CERS6: variants seen among roughly 807,000 people sequenced by gnomAD.
CERS6 encodes the protein LAG1 homolog, ceramide synthase 6.
Under a neutral mutation model 56.8 loss-of-function variants are expected in CERS6, and 26 were observed. That is an observed-to-expected ratio of 0.46 (90% CI 0.34 to 0.63). CERS6 has a LOEUF of 0.63. Among genes scored for constraint, CERS6 ranks in the 30% least tolerant of loss-of-function variants. CERS6 has a pLI of 0.01. For missense variants in CERS6, 415 were observed against 467.5 expected, an observed-to-expected ratio of 0.89 and a Z score of 1.04; for synonymous variants, 164 against 173.3, an observed-to-expected ratio of 0.95 and a Z score of 0.42.
At chr2:168,704,853 C>T (rs181053341) in intron 6 of CERS6, among the ~76,000 whole-genome samples, 25 of 152,296 alleles carry the variant, frequency 1.6e-4, no homozygotes, top group African/African-American at 6.0e-4. Context: ...CTGCCTCGGC[C>T]TCCCAAAATG....
intron 4 of CERS6, among the ~76,000 whole-genome samples, chr2:168,647,915 G>A (rs1001756947): frequency 3.9e-5 from 6 of 152,224 alleles, no homozygotes; most frequent in African/African-American, 1.4e-4. Flanking sequence ...TGATTTGCAC[G>A]TATTTTGTTG....
At chr2:168,458,767 A>G (rs1693725198) in intron 1 of CERS6, among the ~76,000 whole-genome samples, 1 of 152,254 alleles carries the variant, frequency 6.6e-6, no homozygotes, top group Non-Finnish European at 1.5e-5. Flanking sequence ...AAGACTATCT[A>G]CTTTGTTTCT....
At chr2:168,662,024 C>T (rs1237681997) in intron 4 of CERS6, among the ~76,000 whole-genome samples, 1 of 151,968 alleles carries the variant, frequency 6.6e-6, no homozygotes, top group Admixed American at 6.6e-5. Flanking sequence ...TTCTAATAGA[C>T]GGTTGACAGA....
intron 4 of CERS6, among the ~76,000 whole-genome samples, chr2:168,668,304 G>A (rs1023365307): frequency 6.6e-6 from 1 of 152,084 alleles, no homozygotes; most frequent in South Asian, 2.1e-4. Context: ...ATCTGCAGCA[G>A]TCACCCAAGC....
At chr2:168,640,933 C>G (rs1289965651) in intron 4 of CERS6, among the ~76,000 whole-genome samples, 2 of 152,150 alleles carry the variant, frequency 1.3e-5, no homozygotes, top group Non-Finnish European at 2.9e-5. Context: ...TGTCTGTATT[C>G]TCTTTCCATC....
At position 168,520,598 on chromosome 2, in the gene CERS6, C is replaced by CTTTTTTTTTTTTTTTTTTTTTTTTTTTT. The variant is rs150724635; in HGVS notation, c.171-26996_171-26969dup. Among the ~76,000 whole-genome samples, 97 of 57,898 alleles carry CTTTTTTTTTTTTTTTTTTTTTTTTTTTT rather than the reference C, an allele frequency of 1.7e-3. 25 individuals carry two copies. The highest frequency in any genetic ancestry group is 2.6e-3 in the Non-Finnish European group (82 of 31,012). 38.0% of individuals were successfully genotyped at this position (57,898 alleles called of 152,430 possible). On this transcript the variant is annotated intron_variant, in intron 1 of 9. Coordinates refer to ENST00000305747, the MANE Select transcript of CERS6 (RefSeq NM_203463.3). ...TTAACTCTTTAACATTTACAATATCCTTTTTTTTTTTTTTTTTTTTTTTTT... is the reference window on the plus strand; with the variant it reads ...TTAACTCTTTAACATTTACAATATCCTTTTTTTTTTTTTTTTTTTTTTTTTTTTTTTTTTTTTTTTTTTTTTTTTTTTT...
chr2:168,499,512 AT>A (rs1200208597), intron 1 of CERS6, among the ~76,000 whole-genome samples: 1 of 152,194 alleles, frequency 6.6e-6, no homozygotes, highest in Non-Finnish European at 1.5e-5. Context: ...CTGTAAGATC[AT>A]TGAGGGGGTC....
chr2:168,514,173 A>T (rs1694845704), intron 1 of CERS6, among the ~76,000 whole-genome samples: 1 of 152,210 alleles, frequency 6.6e-6, no homozygotes, highest in Non-Finnish European at 1.5e-5. Flanking sequence ...TTAGTTACGA[A>T]TAGTCAGAGT....
At chr2:168,757,221 T>A (rs1684440105) in intron 8 of CERS6, among the ~76,000 whole-genome samples, 1 of 152,046 alleles carries the variant, frequency 6.6e-6, no homozygotes, top group African/African-American at 2.4e-5. Flanking sequence ...GGAATCAGGA[T>A]ACATCCCGAA....
intron 4 of CERS6, among the ~76,000 whole-genome samples, chr2:168,643,816 A>G (rs541683372): frequency 2.6e-5 from 4 of 152,180 alleles, no homozygotes; most frequent in South Asian, 2.1e-4. Flanking sequence ...TCTCCTTTCT[A>G]TACGCCCGGA....
At chr2:168,558,724 C>G (rs1695729912) in intron 2 of CERS6, among the ~76,000 whole-genome samples, 1 of 152,130 alleles carries the variant, frequency 6.6e-6, no homozygotes, top group Admixed American at 6.5e-5. Flanking sequence ...AAAAAATTAG[C>G]AGGGTGTGGT....
chr2:168,463,571 C>A (rs1002556934), intron 1 of CERS6, among the ~76,000 whole-genome samples: 1 of 152,086 alleles, frequency 6.6e-6, no homozygotes, highest in Non-Finnish European at 1.5e-5. Flanking sequence ...AAAGATTATA[C>A]CCATTCGTAT....
intron 3 of CERS6, among the ~76,000 whole-genome samples, chr2:168,620,060 C>CACACATAT (rs1684429960): frequency 1.3e-5 from 1 of 75,198 alleles, no homozygotes; most frequent in Non-Finnish European, 2.9e-5. Context: ...CACACACACA[C>CACACATAT]ACATATTTAT....
At chr2:168,531,180 C>T (rs531910722) in intron 1 of CERS6, among the ~76,000 whole-genome samples, 1 of 152,282 alleles carries the variant, frequency 6.6e-6, no homozygotes, top group African/African-American at 2.4e-5. Flanking sequence ...AGGTTATAGA[C>T]TGCACCATCT....
At chr2:168,665,029 G>A (rs183036716) in intron 4 of CERS6, among the ~76,000 whole-genome samples, 61 of 152,284 alleles carry the variant, frequency 4.0e-4, no homozygotes, top group African/African-American at 1.3e-3. Flanking sequence ...TGCCTACCTT[G>A]TCTTGAGCTT....
chr2:168,482,318 C>T (rs3956565), intron 1 of CERS6, among the ~76,000 whole-genome samples: 1 of 152,172 alleles, frequency 6.6e-6, no homozygotes, highest in Non-Finnish European at 1.5e-5. Context: ...CTTGGAAGTT[C>T]GTGGAACAAA....
intron 6 of CERS6, among the ~76,000 whole-genome samples, chr2:168,712,737 C>T (rs1687124317): frequency 6.6e-6 from 1 of 152,184 alleles, no homozygotes; most frequent in African/African-American, 2.4e-5. Context: ...CAGCCACACT[C>T]ACCTCCTCAC....
chr2:168,500,301 C>T (rs762192565), intron 1 of CERS6, among the ~76,000 whole-genome samples: 6 of 152,080 alleles, frequency 3.9e-5, no homozygotes, highest in Non-Finnish European at 8.8e-5. Flanking sequence ...AATGAATGTA[C>T]AGCATTAGTA....
intron 4 of CERS6, among the ~76,000 whole-genome samples, chr2:168,631,600 AATATATAATATATTTAATATTT>A (rs1684731971): frequency 8.8e-6 from 1 of 113,242 alleles, no homozygotes; most frequent in Non-Finnish European, 1.7e-5. Context: ...TTATATATTA[AATATATAATATATTTAATATTT>A]ATATAATATA....
Sources: gnomAD v4.1 joint callset for allele counts (sites outside exome capture counted in the v4.1 genomes callset) on GRCh38, gnomAD v4.1.1 for gene constraint, MANE v1.5 for transcripts, NCBI Gene and HGNC (gene_info 2026-07-23, HGNC 2026-07-21) for gene names.